Variants in SORCS3 observed in about 807,000 individuals in gnomAD.
SORCS3 encodes the protein VPS10 domain-containing receptor SorCS3.
SORCS3 carries 57 observed loss-of-function variants against 146.3 expected under a neutral mutation model. That is an observed-to-expected ratio of 0.39 (90% confidence interval 0.31 to 0.49). SORCS3 has a LOEUF of 0.49. Among genes scored for constraint, SORCS3 ranks in the 20% least tolerant of loss-of-function variants. The pLI is 0.92. For synonymous variants in SORCS3, 653 were observed against 618.5 expected (o/e 1.06, Z -0.83); for missense variants, 1,341 against 1,575.5 (o/e 0.85, Z 2.52).
chr10:105,125,241 G>T (rs1281219963), intron 7 of SORCS3, among the ~76,000 whole-genome samples: 1 of 152,070 alleles, frequency 6.6e-6, no homozygotes, highest in Non-Finnish European at 1.5e-5. Flanking sequence ...TTACCTCCTG[G>T]CTAATTTTCT....
At chr10:104,777,860 G>T (rs556851760) in intron 1 of SORCS3, among the ~76,000 whole-genome samples, 1 of 152,088 alleles carries the variant, frequency 6.6e-6, no homozygotes, top group Non-Finnish European at 1.5e-5. Flanking sequence ...ACTTGCCCAC[G>T]CATTTGAGTT....
chr10:105,111,243 C>A (rs1297474208), intron 7 of SORCS3, among the ~76,000 whole-genome samples: 1 of 152,176 alleles, frequency 6.6e-6, no homozygotes, highest in South Asian at 2.1e-4. Context: ...GACAGCACCT[C>A]CTGTAGGAAG....
At chr10:105,129,489 A>G (rs1377011) in intron 7 of SORCS3, among the ~76,000 whole-genome samples, 73,421 of 151,456 alleles carry the variant, frequency 0.48, 18,327 homozygotes, top group Non-Finnish European at 0.54. Context: ...CTTTTCTTTC[A>G]CCTGAAGCTC....
At chr10:104,968,165 G>A (rs1268195535) in intron 3 of SORCS3, among the ~76,000 whole-genome samples, 2 of 152,134 alleles carry the variant, frequency 1.3e-5, no homozygotes, top group Admixed American at 6.6e-5. Context: ...GCCCAAGCTG[G>A]AGTGTAATGG....
chr10:104,688,178 G>A (rs912147905), intron 1 of SORCS3, among the ~76,000 whole-genome samples: 9 of 152,318 alleles, frequency 5.9e-5, no homozygotes, highest in African/African-American at 1.7e-4. Context: ...TGCCTCCTCC[G>A]TCTTGGTCCC....
intron 1 of SORCS3, among the ~76,000 whole-genome samples, chr10:104,808,550 G>A (rs188151096): frequency 1.0e-3 from 158 of 152,242 alleles, no homozygotes; most frequent in Non-Finnish European, 1.9e-3. Context: ...CATTCAGATG[G>A]AGGGAAAAAC....
chr10:104,940,666 C>G (rs191785204), intron 3 of SORCS3, among the ~76,000 whole-genome samples: 1 of 152,032 alleles, frequency 6.6e-6, no homozygotes, highest in East Asian at 1.9e-4. Flanking sequence ...GGATTGGTTC[C>G]AAGTCTTTGC....
At chr10:104,779,617 C>T (rs1169562937) in intron 1 of SORCS3, among the ~76,000 whole-genome samples, 1 of 152,142 alleles carries the variant, frequency 6.6e-6, no homozygotes, top group Admixed American at 6.5e-5. Flanking sequence ...AGCTTGGTGC[C>T]CTGGAAACAA....
chr10:104,666,711 T>G lies in SORCS3; in HGVS notation c.627+24757T>G, dbSNP rs1165860185. On this transcript the variant is annotated intron_variant, in intron 1 of 26. Transcript: ENST00000369701. ...ACCTCAAACTCCTGGGGTCAAGTGA[T>G]CCTCCTGCCTCAGTTTCCCAAGTAG... 2.6e-5 allele frequency among the ~76,000 whole-genome samples: 4 copies of G among 152,270 alleles called. No homozygotes were observed. In the East Asian group the frequency reaches 5.8e-4, roughly 22 times the overall value.
At chr10:104,986,197 T>C (rs2054961538) in intron 4 of SORCS3, among the ~76,000 whole-genome samples, 1 of 152,248 alleles carries the variant, frequency 6.6e-6, no homozygotes, top group Non-Finnish European at 1.5e-5. Context: ...AACTTCTCCA[T>C]CAGCACTTGC....
rs1456498025 is a variant in SORCS3, at chr10:104,940,232, ATATATATTTTTTT to A, written c.795+24302_795+24314del. Reference sequence around the variant, plus strand: ...TATATATATATATATATATATATATATATATATTTTTTTTTTTTTTTTTATTATACTTTAAGTT... The same window carrying A: ...TATATATATATATATATATATATATATTTTTTTTTTATTATACTTTAAGTT... On this transcript the variant is annotated intron_variant, in intron 3 of 26. Coordinates refer to ENST00000369701, the MANE Select transcript of SORCS3 (RefSeq NM_014978.3). Among the ~76,000 whole-genome samples, 165 of 22,430 alleles carry A rather than the reference ATATATATTTTTTT, an allele frequency of 7.4e-3. 1 individual carries two copies. The highest frequency in any genetic ancestry group is 0.022 in the African/African-American group (122 of 5,630). The allele number at this position is 22,430 out of a possible 152,430, so 14.7% of individuals were successfully genotyped here.
intron 3 of SORCS3, among the ~76,000 whole-genome samples, chr10:104,945,970 C>T (rs1350840890): frequency 6.6e-6 from 1 of 152,008 alleles, no homozygotes; most frequent in Admixed American, 6.6e-5. Context: ...TCAGGAAGAC[C>T]TGAGTTCTAG....
chr10:105,037,602 G>A (rs753928099), intron 4 of SORCS3, among the ~76,000 whole-genome samples: 7 of 151,988 alleles, frequency 4.6e-5, no homozygotes, highest in South Asian at 2.1e-4. Flanking sequence ...GTGTCTTTAC[G>A]TAGGATTCCC....
chr10:104,641,838 C>T lies in SORCS3; in HGVS notation c.511C>T (p.Pro171Ser), dbSNP rs2015422486. 6.4e-7 allele frequency: 1 copy of T among 1,563,946 alleles called. No individual in the cohort carries two copies. The highest frequency in any genetic ancestry group is 8.6e-7 in the Non-Finnish European group (1 of 1,156,956). ...GGGTTCCCGGGAGGAGGTGAAGGCGCCGCGGGCTGGGGGGTCGGCGGCTGA... is the reference window on the plus strand; with the variant it reads ...GGGTTCCCGGGAGGAGGTGAAGGCGTCGCGGGCTGGGGGGTCGGCGGCTGA... ...AKGSREEVKAPRAGGSAAEDL... is the reference protein window; with the variant it reads ...AKGSREEVKASRAGGSAAEDL... Residue 171 changes from proline to serine, a missense_variant, in exon 1 of 27, where the codon CCG (proline) becomes TCG (serine). Coordinates refer to ENST00000369701, the MANE Select transcript of SORCS3 (RefSeq NM_014978.3). This position sits in a 1 kb window ranked among gnomAD's most constrained non-coding sequence, Gnocchi z 6.4.
At chr10:105,200,154 A>G (rs752031008) in intron 15 of SORCS3, 38 bp downstream of exon 15, 2 of 1,520,580 alleles carry the variant, frequency 1.3e-6, no homozygotes, top group South Asian at 2.3e-5. Context: ...GGCTTTGAGG[A>G]GGAGGAGCTA....
chr10:105,164,686 A>G (rs2056297637), intron 12 of SORCS3, among the ~76,000 whole-genome samples: 1 of 152,108 alleles, frequency 6.6e-6, no homozygotes, highest in Non-Finnish European at 1.5e-5. Flanking sequence ...AACTGATGAA[A>G]CTGTTTTTAT....
chr10:105,073,649 G>A (rs1381443220), intron 5 of SORCS3, among the ~76,000 whole-genome samples: 1 of 152,170 alleles, frequency 6.6e-6, no homozygotes, highest in Non-Finnish European at 1.5e-5. Context: ...GCAGGGAGTG[G>A]AGGCATGAGC....
chr10:105,224,889 G>T (rs2056725243), intron 20 of SORCS3, among the ~76,000 whole-genome samples: 1 of 151,788 alleles, frequency 6.6e-6, no homozygotes, highest in African/African-American at 2.4e-5. Context: ...TAACATCTTT[G>T]GTGAGTTGTC....
chr10:104,671,661 G>C (rs887982536), intron 1 of SORCS3, among the ~76,000 whole-genome samples: 1 of 151,854 alleles, frequency 6.6e-6, no homozygotes, highest in African/African-American at 2.4e-5. Flanking sequence ...TCTATTCCTA[G>C]TTTGTTGAGT....
Sources: allele counts gnomAD v4.1 joint callset (sites outside exome capture counted in the v4.1 genomes callset), GRCh38; gene constraint gnomAD v4.1.1; non-coding constraint Gnocchi (gnomAD v3.1); transcripts MANE v1.5; gene names NCBI Gene and HGNC (gene_info 2026-07-23, HGNC 2026-07-21).